The following NEURL1 variants were observed in gnomAD, a reference collection of about 807,000 sequenced individuals.
NEURL1 encodes neuralized E3 ubiquitin protein ligase 1.
Under a neutral mutation model 41.2 loss-of-function variants are expected in NEURL1, and 26 were observed. The ratio of observed to expected loss-of-function variants is 0.63; its 90% CI spans 0.46 to 0.87. The LOEUF (loss-of-function observed/expected upper bound fraction) is 0.87, where lower values mean the gene tolerates loss of function less well. Ranked by LOEUF, NEURL1 falls within the 40% of genes least tolerant of loss-of-function variation. The probability of loss-of-function intolerance (pLI) is 0.00; values close to 1 mark genes in which losing one functional copy is unlikely to be tolerated. For missense variants in NEURL1, 761 were observed against 871.1 expected, an observed-to-expected ratio of 0.87 and a Z score of 1.59; for synonymous variants, 400 against 402.3, an observed-to-expected ratio of 0.99 and a Z score of 0.07.
chr10:103,588,813 G>A (rs773347120), intron 4 of NEURL1: 18 of 438,618 alleles, frequency 4.1e-5, no homozygotes, highest in Non-Finnish European at 7.2e-5. Context: ...GGGTGTGGTG[G>A]CATGTGCCTA....
chr10:103,532,159 T>C (rs1178865389), intron 1 of NEURL1, among the ~76,000 whole-genome samples: 1 of 152,358 alleles, frequency 6.6e-6, no homozygotes, highest in South Asian at 2.1e-4. Context: ...GTATGTCTTT[T>C]AAATGGAGGA....
At chr10:103,584,400 A>G (rs1241313093) in intron 3 of NEURL1, 136 bp from the exon 4 acceptor site, 1 of 501,240 alleles carries the variant, frequency 2.0e-6, no homozygotes, top group Non-Finnish European at 3.2e-6. Flanking sequence ...GTGTTCGCTA[A>G]TTTATGTCAC....
rs759475369 is a variant in NEURL1 at position 103,590,422 on chromosome 10, A to G, written c.*50A>G. ...TACCCATCTTCTCGGGCTTCAGCCC[A>G]GTCCCAGCTGAGGAACAAGCCAGTG... is the stretch of plus-strand genomic sequence containing the variant. On this transcript the variant is annotated 3_prime_UTR_variant, in exon 6 of 6. Transcript: ENST00000369780. The G allele has an allele frequency of 2.0e-6, 3 of 1,509,748 alleles. No individual in the cohort carries two copies. The highest frequency in any genetic ancestry group is 2.3e-5 in the South Asian group (2 of 88,852). 93.5% of individuals were successfully genotyped at this position (1,509,748 alleles called of 1,614,324 possible).
chr10:103,495,962 G>T (rs1454727096), intron 1 of NEURL1, among the ~76,000 whole-genome samples: 1 of 152,126 alleles, frequency 6.6e-6, no homozygotes, highest in Non-Finnish European at 1.5e-5. Context: ...ACAAAAATTA[G>T]CCGGGCATAG....
chr10:103,549,412 G>A (rs967949970), intron 1 of NEURL1, among the ~76,000 whole-genome samples: 5 of 152,154 alleles, frequency 3.3e-5, no homozygotes, highest in Admixed American at 3.3e-4. Context: ...CTCCATCTCT[G>A]AGTACTTTTG....
intron 1 of NEURL1, among the ~76,000 whole-genome samples, chr10:103,532,920 C>CTTTTTTTTTTTT (rs144783148): frequency 4.7e-5 from 3 of 63,570 alleles, no homozygotes; most frequent in Non-Finnish European, 7.9e-5. Flanking sequence ...TTCTCTTCTC[C>CTTTTTTTTTTTT]TTTTTTTTTT....
chr10:103,529,872 T>G (rs914997508), intron 1 of NEURL1, among the ~76,000 whole-genome samples: 13 of 152,326 alleles, frequency 8.5e-5, no homozygotes, highest in Non-Finnish European at 1.8e-4. Flanking sequence ...AAGATGTTAC[T>G]GGAAAGCGGT....
At chr10:103,549,321 G>A (rs151077617) in intron 1 of NEURL1, among the ~76,000 whole-genome samples, 59 of 152,268 alleles carry the variant, frequency 3.9e-4, no homozygotes, top group Middle Eastern at 3.4e-3. Flanking sequence ...CAGCTGTCAC[G>A]GCTGGGGCAC....
chr10:103,574,189 C>A (rs2035609244), intron 3 of NEURL1, among the ~76,000 whole-genome samples: 1 of 152,134 alleles, frequency 6.6e-6, no homozygotes, highest in African/African-American at 2.4e-5. Flanking sequence ...CCAGCCCTGC[C>A]CACAGATAAC....
chr10:103,520,591 G>A (rs532845052), intron 1 of NEURL1, among the ~76,000 whole-genome samples: 3 of 152,162 alleles, frequency 2.0e-5, no homozygotes, highest in Non-Finnish European at 2.9e-5. Context: ...GGATGTTTAC[G>A]TGCAGGTCAC....
At chr10:103,526,211 G>A (rs770761389) in intron 1 of NEURL1, among the ~76,000 whole-genome samples, 1 of 151,482 alleles carries the variant, frequency 6.6e-6, no homozygotes, top group Non-Finnish European at 1.5e-5. Flanking sequence ...TTTTTGTTGT[G>A]TACTTGTTTG....
At chr10:103,544,726 G>T (rs1351857225) in intron 1 of NEURL1, among the ~76,000 whole-genome samples, 2 of 152,214 alleles carry the variant, frequency 1.3e-5, no homozygotes, top group Non-Finnish European at 2.9e-5. Flanking sequence ...CAGGGTTGAG[G>T]TTGTGAGGGG....
chr10:103,504,615 T>C (rs1182422119), intron 1 of NEURL1, among the ~76,000 whole-genome samples: 1 of 152,174 alleles, frequency 6.6e-6, no homozygotes, highest in East Asian at 1.9e-4. Flanking sequence ...AGTTACACTT[T>C]CCTCCCTTTC....
At chr10:103,563,325 A>G (rs2133873749) in intron 1 of NEURL1, among the ~76,000 whole-genome samples, 1 of 152,330 alleles carries the variant, frequency 6.6e-6, no homozygotes, top group South Asian at 2.1e-4. Flanking sequence ...GCTTCATTTT[A>G]CAGAGAAATA....
At chr10:103,589,774 C>A in intron 5 of NEURL1, 114 bp downstream of exon 5, 1 of 1,399,348 alleles carries the variant, frequency 7.1e-7, no homozygotes, top group Non-Finnish European at 9.7e-7. Flanking sequence ...TCAGTAAACC[C>A]TTGTTGGGGG....
chr10:103,556,015 C>T lies in NEURL1; in HGVS notation c.86-14857C>T, dbSNP rs566403146. On this transcript the variant is annotated intron_variant, in intron 1 of 5. Coordinates refer to ENST00000369780, the MANE Select transcript of NEURL1 (RefSeq NM_004210.5). This position sits in a 1 kb window ranked among gnomAD's most constrained non-coding sequence, Gnocchi z 4.4. Reference sequence around the variant, plus strand: ...CTGTGCCGGCTTGTGCCTAAGCACACGGGTGTGCAAGTGACAGCACCCCAC... The same window carrying T: ...CTGTGCCGGCTTGTGCCTAAGCACATGGGTGTGCAAGTGACAGCACCCCAC... Among the ~76,000 whole-genome samples, 14 of 152,334 alleles carry T rather than the reference C, an allele frequency of 9.2e-5. No individual in the cohort carries two copies. The highest frequency in any genetic ancestry group is 3.9e-4 in the East Asian group (2 of 5,170).
intron 1 of NEURL1, among the ~76,000 whole-genome samples, chr10:103,527,986 G>C (rs1320312649): frequency 6.6e-6 from 1 of 152,152 alleles, no homozygotes; most frequent in African/African-American, 2.4e-5. Context: ...TTGGGAGGCC[G>C]AGGTGGACCA....
intron 2 of NEURL1, 67 bp from the exon 3 acceptor site, chr10:103,571,434 G>A: frequency 6.7e-7 from 1 of 1,484,118 alleles, no homozygotes; most frequent in Non-Finnish European, 9.0e-7. Context: ...TCCACCGCAG[G>A]GAGGCTGCCC....
chr10:103,532,475 G>GT (rs2034592453), intron 1 of NEURL1, among the ~76,000 whole-genome samples: 1 of 152,138 alleles, frequency 6.6e-6, no homozygotes, highest in African/African-American at 2.4e-5. Context: ...AATTCTTTCA[G>GT]TTTTTGCTTG....
Sources: allele counts gnomAD v4.1 joint callset (sites outside exome capture counted in the v4.1 genomes callset), GRCh38; gene constraint gnomAD v4.1.1; non-coding constraint Gnocchi (gnomAD v3.1); transcripts MANE v1.5; gene names NCBI Gene and HGNC (gene_info 2026-07-23, HGNC 2026-07-21).